TRPM6: variants seen among roughly 807,000 people sequenced by gnomAD.
TRPM6 encodes channel kinase 2.
TRPM6 carries 111 observed loss-of-function variants against 247.6 expected under a neutral mutation model. That is an observed-to-expected ratio of 0.45 (90% CI 0.38 to 0.52). TRPM6 has a LOEUF of 0.52. TRPM6 is among the 20% of genes least tolerant of loss of function. TRPM6 has a pLI of 0.00. For synonymous variants in TRPM6, 892 were observed against 853.8 expected (o/e 1.04, Z -0.78); for missense variants, 2,126 against 2,421.5 (o/e 0.88, Z 2.56).
chr9:74,835,861 A>G (rs529203517), intron 5 of TRPM6, among the ~76,000 whole-genome samples: 1 of 152,150 alleles, frequency 6.6e-6, no homozygotes, highest in South Asian at 2.1e-4. Flanking sequence ...TTCCCATGCC[A>G]TGCCCTGCTC....
At chr9:74,812,061 C>T (rs780108837) in intron 12 of TRPM6, among the ~76,000 whole-genome samples, 1 of 152,136 alleles carries the variant, frequency 6.6e-6, no homozygotes, top group Non-Finnish European at 1.5e-5. Flanking sequence ...GCCTTCATGT[C>T]AGGAAGGGTT....
chr9:74,743,075 C>T lies in TRPM6; in HGVS notation c.5135-449G>A, dbSNP rs150855112. 5.6e-3 allele frequency among the ~76,000 whole-genome samples: 854 copies of T among 152,262 alleles called. 24 individuals carry two copies. Among genetic ancestry groups the T allele is most frequent in the Admixed American group, 0.049 (742 of 15,290 alleles). On this transcript the variant is annotated intron_variant, in intron 32 of 38. Transcript: ENST00000360774. ...GCCGAAGACCGATTTTAATTAGAAGCGAGTGATCTGCATTTTCCTGTTAAG... is the reference window on the plus strand; with the variant it reads ...GCCGAAGACCGATTTTAATTAGAAGTGAGTGATCTGCATTTTCCTGTTAAG...
At chr9:74,833,530 G>T (rs1829612751) in intron 6 of TRPM6, among the ~76,000 whole-genome samples, 1 of 152,168 alleles carries the variant, frequency 6.6e-6, no homozygotes, top group African/African-American at 2.4e-5. Context: ...AGTCCTTGAA[G>T]TGTTTTACAC....
chr9:74,728,314 A>G lies in TRPM6; in HGVS notation c.5860T>C (p.Leu1954=), dbSNP rs55889089. ...SRGMVFGPAN[L]GEDAIRNFIA... is the part of the protein sequence containing the mutation. ...AAGTTTCTAATTGCATCTTCCCCCA[A>G]ATTGGCCGGTCCAAACACCATTCCT... Residue 1954 remains leucine (L), a synonymous_variant, in exon 38 of 39, where the codon TTG becomes CTG. Coordinates refer to ENST00000360774, the MANE Select transcript of TRPM6 (RefSeq NM_017662.5). The G allele has an allele frequency of 2.5e-4, 404 of 1,614,000 alleles. 1 individual carries two copies. Among genetic ancestry groups the G allele is most frequent in the Non-Finnish European group, 3.1e-4 (366 of 1,179,922 alleles).
chr9:74,831,562 AT>A (rs1345213539), intron 6 of TRPM6, among the ~76,000 whole-genome samples: 1 of 152,186 alleles, frequency 6.6e-6, no homozygotes. Flanking sequence ...AACAAAAAAT[AT>A]ACACAATGAG....
chr9:74,876,378 C>A (rs1433412494), intron 1 of TRPM6, among the ~76,000 whole-genome samples: 2 of 152,336 alleles, frequency 1.3e-5, no homozygotes, highest in African/African-American at 4.8e-5. Flanking sequence ...CCACCGCACC[C>A]AGCCAGGGTA....
At chr9:74,848,115 G>A (rs146000274) in intron 3 of TRPM6, among the ~76,000 whole-genome samples, 4 of 152,230 alleles carry the variant, frequency 2.6e-5, no homozygotes, top group East Asian at 1.9e-4. Context: ...TTCTTTCTTC[G>A]CAATTTCATG....
chr9:74,777,596 T>C (rs1434245310), intron 23 of TRPM6, among the ~76,000 whole-genome samples: 1 of 152,184 alleles, frequency 6.6e-6, no homozygotes, highest in East Asian at 1.9e-4. Flanking sequence ...TACCACACTA[T>C]CAAAAAGTTA....
chr9:74,835,708 T>C (rs1829700015), intron 5 of TRPM6, among the ~76,000 whole-genome samples: 1 of 152,176 alleles, frequency 6.6e-6, no homozygotes, highest in Non-Finnish European at 1.5e-5. Flanking sequence ...CCAAGGTTTG[T>C]AGAGCTTTGG....
chr9:74,831,936 A>G (rs1332623827), intron 6 of TRPM6, among the ~76,000 whole-genome samples: 1 of 152,252 alleles, frequency 6.6e-6, no homozygotes, highest in East Asian at 1.9e-4. Flanking sequence ...TACATAGAGC[A>G]TGTAAACTAA....
At chr9:74,814,203 A>G (rs1331716408) in intron 11 of TRPM6, among the ~76,000 whole-genome samples, 1 of 152,200 alleles carries the variant, frequency 6.6e-6, no homozygotes, top group Non-Finnish European at 1.5e-5. Flanking sequence ...CAGGCATAGA[A>G]AGACAAATTT....
At chr9:74,886,969 T>G (rs937641813) in intron 1 of TRPM6, among the ~76,000 whole-genome samples, 3 of 152,200 alleles carry the variant, frequency 2.0e-5, no homozygotes, top group Non-Finnish European at 2.9e-5. Flanking sequence ...ATGTGCTCAA[T>G]TATACTTATT....
intron 24 of TRPM6, among the ~76,000 whole-genome samples, chr9:74,773,305 T>G (rs1827113015): frequency 6.6e-6 from 1 of 152,242 alleles, no homozygotes; most frequent in African/African-American, 2.4e-5. Flanking sequence ...GAAGGCAGTC[T>G]ATTGAAATTA....
At chr9:74,772,005 G>A (rs1405121335) in intron 24 of TRPM6, among the ~76,000 whole-genome samples, 170 bp from the exon 25 acceptor site, 2 of 152,182 alleles carry the variant, frequency 1.3e-5, no homozygotes. Context: ...TAAACAACTG[G>A]GAGCTGGGCG....
chr9:74,744,019 T>A (rs1825950786), intron 32 of TRPM6, 76 bp downstream of exon 32: 3 of 1,424,724 alleles, frequency 2.1e-6, no homozygotes, highest in Non-Finnish European at 3.0e-6. Flanking sequence ...ACAGAATTTG[T>A]CAGTGTTTCT....
rs1825247003 is a variant in TRPM6, at chr9:74,724,442, A to G, written c.*171T>C. On this transcript the variant is annotated 3_prime_UTR_variant, in exon 39 of 39. Coordinates refer to ENST00000360774, the MANE Select transcript of TRPM6 (RefSeq NM_017662.5). The stretch of plus-strand genomic sequence containing the variant: ...CCCTGGACAGAGGTCAGTGTCTAGG[A>G]GAACCCATTGATCATATACCAATGA... The G allele has an allele frequency of 1.1e-6, 1 of 900,012 alleles. No individual in the cohort carries two copies. Among genetic ancestry groups the G allele is most frequent in the Non-Finnish European group, 1.8e-6 (1 of 570,006 alleles). 55.8% of individuals were successfully genotyped at this position (900,012 alleles called of 1,614,324 possible). A position where few individuals can be genotyped will look rare whatever the true frequency, so the allele number is the denominator to read the frequency against.
rs1825220996 is a variant in TRPM6 at position 74,723,832 on chromosome 9, T to C, written c.*781A>G. ...AATATATATATATATATATAAAATA[T>C]ATATATTCCATATGTATTTTATATA... On this transcript the variant is annotated 3_prime_UTR_variant, in exon 39 of 39. Coordinates refer to ENST00000360774, the MANE Select transcript of TRPM6 (RefSeq NM_017662.5). 6.8e-6 allele frequency: 1 copy of C among 146,228 alleles called. No individual in the cohort carries two copies. The highest frequency in any genetic ancestry group is 2.5e-5 in the African/African-American group (1 of 40,254). The allele number at this position is 146,228 out of a possible 1,614,324, so 9.1% of individuals were successfully genotyped here. A position where few individuals can be genotyped will look rare whatever the true frequency, so the allele number is the denominator to read the frequency against.
chr9:74,767,047 G>A (rs1826851913), intron 25 of TRPM6, among the ~76,000 whole-genome samples: 4 of 152,226 alleles, frequency 2.6e-5, no homozygotes, highest in Non-Finnish European at 4.4e-5. Flanking sequence ...AACTCACCTA[G>A]GATCCAGGCA....
intron 6 of TRPM6, among the ~76,000 whole-genome samples, chr9:74,830,854 C>G (rs536940062): frequency 6.7e-6 from 1 of 148,864 alleles, no homozygotes; most frequent in African/African-American, 2.5e-5. Flanking sequence ...GCCTCGGCCT[C>G]GGCCTCCCAA....
Sources: allele counts gnomAD v4.1 joint callset (sites outside exome capture counted in the v4.1 genomes callset), GRCh38; gene constraint gnomAD v4.1.1; transcripts MANE v1.5; gene names NCBI Gene and HGNC (gene_info 2026-07-23, HGNC 2026-07-21).